The following MORN1 variants were observed in gnomAD, a reference collection of about 807,000 sequenced individuals.
MORN1 encodes the protein MORN repeat containing 1.
A neutral mutation model predicts 61.9 loss-of-function variants in MORN1; 67 were observed. The ratio of observed to expected loss-of-function variants is 1.08; its 90% CI spans 0.89 to 1.33. The LOEUF is 1.33. Ranked by LOEUF, MORN1 falls within the 40% of genes most tolerant of loss-of-function variation. The pLI is 0.00. For missense variants in MORN1, 752 were observed against 691.2 expected, an observed-to-expected ratio of 1.09 and a Z score of -0.99; for synonymous variants, 301 against 292.0, an observed-to-expected ratio of 1.03 and a Z score of -0.31.
chr1:2,335,828 T>TAGCCCAGCGC (rs1553208712), intron 12 of MORN1, among the ~76,000 whole-genome samples: 1 of 143,014 alleles, frequency 7.0e-6, no homozygotes, highest in African/African-American at 3.0e-5. Context: ...CTCGCCTCCA[T>TAGCCCAGCGC]AGCCCAGCCC....
At chr1:2,330,050 G>A (rs1247228570) in intron 12 of MORN1, among the ~76,000 whole-genome samples, 1 of 152,340 alleles carries the variant, frequency 6.6e-6, no homozygotes, top group East Asian at 1.9e-4. Context: ...CCATCTTGGG[G>A]CCAGGGTGGG....
At chr1:2,323,161 GGT>G (rs1640922055) in intron 13 of MORN1, 2 of 985,414 alleles carry the variant, frequency 2.0e-6, no homozygotes, top group Admixed American at 6.1e-5. Flanking sequence ...ACCGGTTGAT[GGT>G]GTGAGGGCTG....
intron 10 of MORN1, chr1:2,355,088 C>T (rs1008676316): frequency 5.3e-6 from 5 of 942,186 alleles, no homozygotes; most frequent in African/African-American, 1.8e-5. Flanking sequence ...GCGGGGGGCC[C>T]GCGCGGGGTA....
At chr1:2,321,775 C>T (rs1211735866) in intron 13 of MORN1, among the ~76,000 whole-genome samples, 196 bp from the exon 14 acceptor site, 2 of 152,056 alleles carry the variant, frequency 1.3e-5, no homozygotes, top group African/African-American at 2.4e-5. Flanking sequence ...GCTGGACACA[C>T]AGTCAGCATA....
At chr1:2,354,741 T>TC (rs1641722612) in intron 10 of MORN1, among the ~76,000 whole-genome samples, 2 of 152,128 alleles carry the variant, frequency 1.3e-5, no homozygotes, top group African/African-American at 4.8e-5. Flanking sequence ...GCTGTTGCCC[T>TC]CCCTTTATGG....
chr1:2,360,928 C>T (rs889264208), intron 8 of MORN1, among the ~76,000 whole-genome samples: 1 of 152,174 alleles, frequency 6.6e-6, no homozygotes, highest in Non-Finnish European at 1.5e-5. Context: ...TCCAGCAGAC[C>T]TGTCTAACAA....
At chr1:2,374,808 A>G (rs1642198916) in intron 6 of MORN1, 1 of 466,702 alleles carries the variant, frequency 2.1e-6, no homozygotes, top group African/African-American at 2.0e-5. Flanking sequence ...GTATGGGAAC[A>G]ACGGCACAGT....
At chr1:2,339,528 T>C (rs1452426440) in intron 10 of MORN1, among the ~76,000 whole-genome samples, 1 of 152,172 alleles carries the variant, frequency 6.6e-6, no homozygotes, top group East Asian at 1.9e-4. Flanking sequence ...CACCATATCC[T>C]GTGCACCCAC....
intron 13 of MORN1, chr1:2,323,005 T>A: frequency 2.0e-6 from 2 of 985,370 alleles, no homozygotes; most frequent in Non-Finnish European, 2.4e-6. Flanking sequence ...CTGAATCGGA[T>A]CTCCCTTCGC....
At chr1:2,325,154 T>C (rs1640989509) in intron 12 of MORN1, among the ~76,000 whole-genome samples, 2 of 130,980 alleles carry the variant, frequency 1.5e-5, no homozygotes, top group Admixed American at 7.9e-5. Flanking sequence ...CTCCCTTCCT[T>C]CCCTCCCTTC....
intron 10 of MORN1, among the ~76,000 whole-genome samples, chr1:2,344,556 A>AG (rs371393670): frequency 2.0e-5 from 3 of 152,138 alleles, no homozygotes; most frequent in Admixed American, 6.5e-5. Flanking sequence ...GTTCCTCTGG[A>AG]GGGGGGTCCC....
At chr1:2,339,059 C>T (rs1325237575) in intron 10 of MORN1, among the ~76,000 whole-genome samples, 1 of 152,214 alleles carries the variant, frequency 6.6e-6, no homozygotes, top group Admixed American at 6.5e-5. Context: ...GAGGTGCAGG[C>T]AGAAGCTCTC....
chr1:2,389,060 C>T (rs1293329166), intron 2 of MORN1, among the ~76,000 whole-genome samples: 1 of 148,328 alleles, frequency 6.7e-6, no homozygotes, highest in East Asian at 2.0e-4. Context: ...TGCAGTGAGC[C>T]GAGATGGCAG....
intron 11 of MORN1, 44 bp downstream of exon 11, chr1:2,336,673 C>T (rs1363675562): frequency 6.4e-7 from 1 of 1,558,974 alleles, no homozygotes; most frequent in South Asian, 1.2e-5. Context: ...CAGGGATAGT[C>T]TGAGTGATGT....
At chr1:2,367,174 C>A (rs917929886) in intron 8 of MORN1, among the ~76,000 whole-genome samples, 2 of 151,920 alleles carry the variant, frequency 1.3e-5, no homozygotes, top group African/African-American at 4.8e-5. Context: ...GACAGCATTA[C>A]CTTGATAGCA....
In MORN1 at chr1:2,384,918, G is replaced by C. The variant is rs568429545; in HGVS notation, c.537+60C>G. The C allele has an allele frequency of 5.6e-6, 8 of 1,428,598 alleles. No individual in the cohort carries two copies. The African/African-American group carries it at 1.1e-4, about 20-fold the overall frequency. 88.5% of individuals were successfully genotyped at this position (1,428,598 alleles called of 1,614,324 possible). A position where few individuals can be genotyped will look rare whatever the true frequency, so the allele number is the denominator to read the frequency against. Reference sequence around the variant, plus strand: ...GTGAGGCTCCCCATACACCCCACGCGCCCTGCCCACCACGAGGCCTGTACC... The same window carrying C: ...GTGAGGCTCCCCATACACCCCACGCCCCCTGCCCACCACGAGGCCTGTACC... On this transcript the variant is annotated intron_variant, in intron 6 of 13. Transcript: ENST00000378531.
chr1:2,333,815 G>A (rs910690002), intron 12 of MORN1, among the ~76,000 whole-genome samples: 4 of 152,242 alleles, frequency 2.6e-5, no homozygotes, highest in South Asian at 4.1e-4. Context: ...ACTCGGCCAC[G>A]ACACAGCGAG....
chr1:2,343,936 C>T (rs1261998385), intron 10 of MORN1, among the ~76,000 whole-genome samples: 2 of 139,944 alleles, frequency 1.4e-5, no homozygotes, highest in Non-Finnish European at 1.5e-5. Flanking sequence ...GCCTCCCCTG[C>T]TGCCAGCTGT....
At chr1:2,328,564 C>T (rs1339813997) in intron 12 of MORN1, among the ~76,000 whole-genome samples, 1 of 152,218 alleles carries the variant, frequency 6.6e-6, no homozygotes, top group Non-Finnish European at 1.5e-5. Context: ...GCCCAGGCTC[C>T]CCTGCCTGCT....
Sources: gnomAD v4.1 joint callset for allele counts (sites outside exome capture counted in the v4.1 genomes callset) on GRCh38, gnomAD v4.1.1 for gene constraint, MANE v1.5 for transcripts, NCBI Gene and HGNC (gene_info 2026-07-23, HGNC 2026-07-21) for gene names.